FBXO34: variants seen among roughly 807,000 people sequenced by gnomAD.
The protein encoded by FBXO34 is F-box protein 34, also known as F-box only protein 34.
Under a neutral mutation model 24.5 loss-of-function variants are expected in FBXO34, and 12 were observed. The ratio of observed to expected loss-of-function variants is 0.49; its 90% CI spans 0.31 to 0.79. FBXO34 has a LOEUF of 0.79. FBXO34 is among the 30% of genes least tolerant of loss of function. The pLI, the probability that FBXO34 is intolerant of heterozygous loss-of-function variation, is 0.04. For synonymous variants in FBXO34, 320 were observed against 311.9 expected (o/e 1.03, Z -0.27); for missense variants, 823 against 857.7 (o/e 0.96, Z 0.51).
rs1160045452 is a variant in FBXO34, at chr14:55,351,079, C to T, written c.689C>T (p.Thr230Ile). 8.7e-6 allele frequency: 14 copies of T among 1,614,220 alleles called. No homozygotes were observed. The highest frequency in any genetic ancestry group is 1.2e-5 in the Non-Finnish European group (14 of 1,180,036). The change falls in exon 2 of 2, where the codon ACA (threonine) becomes ATA (isoleucine). Residue 230 changes from threonine (T) to isoleucine (I), a missense_variant. By Grantham distance (89) the Thr-to-Ile change is moderately conservative. Around this residue, in one of 2 missense-constraint regions of FBXO34, gnomAD observed 693 missense variants for 659.1 expected, o/e 1.05. Transcript: ENST00000313833. ...ALLASCSKNC[T>I]NSPAIVRFSG... ...CTAGCTAGCTGTTCAAAAAACTGCACAAACTCACCTGCAATTGTGAGGTTT... is the reference window on the plus strand; with the variant it reads ...CTAGCTAGCTGTTCAAAAAACTGCATAAACTCACCTGCAATTGTGAGGTTT...
chr14:55,346,526 AG>A (rs1415148995), intron 1 of FBXO34, among the ~76,000 whole-genome samples: 1 of 152,140 alleles, frequency 6.6e-6, no homozygotes, highest in African/African-American at 2.4e-5. Flanking sequence ...TGGGATATGA[AG>A]TTGGGGAGAG....
Position 55,352,183 on chromosome 14 carries a change from T to G in FBXO34, c.1793T>G (p.Leu598Arg). 6.2e-7 allele frequency: 1 copy of G among 1,614,146 alleles called. No homozygotes were observed. The highest frequency in any genetic ancestry group is 8.5e-7 in the Non-Finnish European group (1 of 1,180,006). ...CTTCCCACCAAGAGTTTAGTGGCCC[T>G]TAAATGTACCTGCTGCTATTTCAAG... ...RLLPTKSLVA[L>R]KCTCCYFKFI... Residue 598 changes from leucine to arginine, a missense_variant, in exon 2 of 2, where the codon CTT (leucine) becomes CGT (arginine). Transcript: ENST00000313833.
intron 1 of FBXO34, among the ~76,000 whole-genome samples, chr14:55,344,113 G>T (rs549666186): frequency 4.5e-4 from 69 of 152,298 alleles, no homozygotes; most frequent in Non-Finnish European, 7.9e-4. Flanking sequence ...TGACAGGTAT[G>T]TTGAGACTGT....
chr14:55,420,003 C>A, the FBXO34 span, among the ~76,000 whole-genome samples: 1 of 152,206 alleles, frequency 6.6e-6, no homozygotes. Flanking sequence ...AGGGAGGAGC[C>A]TGAAAGGAGA....
At chr14:55,429,766 CAAAAA>C in the FBXO34 span, among the ~76,000 whole-genome samples, 1 of 52,396 alleles carries the variant, frequency 1.9e-5, no homozygotes, top group Non-Finnish European at 3.2e-5. Flanking sequence ...AACTCCGTCT[CAAAAA>C]AAAAAAAAAA....
At chr14:55,282,252 C>A in intron 1 of FBXO34, 1 of 330,130 alleles carries the variant, frequency 3.0e-6, no homozygotes, top group East Asian at 8.5e-5. Context: ...CTCAGCCTCC[C>A]AAAGTGCTGG....
the FBXO34 span, among the ~76,000 whole-genome samples, chr14:55,387,754 C>G: frequency 0.058 from 8,838 of 152,012 alleles, 325 homozygotes; most frequent in South Asian, 0.089. Context: ...CTGCAACCTC[C>G]GCCTCCCGGG....
the FBXO34 span, among the ~76,000 whole-genome samples, chr14:55,411,216 T>C: frequency 1.3e-5 from 2 of 152,186 alleles, no homozygotes; most frequent in African/African-American, 4.8e-5. Context: ...AGAGAATGAG[T>C]ATAAATATGC....
the FBXO34 span, chr14:55,386,129 T>C: frequency 6.4e-7 from 1 of 1,565,354 alleles, no homozygotes; most frequent in East Asian, 2.2e-5. Context: ...AACAATTATC[T>C]CTGCAAACAG....
intron 1 of FBXO34, among the ~76,000 whole-genome samples, chr14:55,297,429 A>G (rs1882176853): frequency 6.6e-6 from 1 of 152,192 alleles, no homozygotes; most frequent in Admixed American, 6.5e-5. Context: ...TCTCATCTGT[A>G]ATATTTAGAC....
chr14:55,325,841 A>C (rs1371545723), intron 1 of FBXO34: 1 of 152,230 alleles, frequency 6.6e-6, no homozygotes, highest in African/African-American at 2.4e-5. Flanking sequence ...GTGTTGTTTA[A>C]ATGTACTCTA....
the FBXO34 span, among the ~76,000 whole-genome samples, chr14:55,418,846 A>C: frequency 6.6e-6 from 1 of 152,214 alleles, no homozygotes; most frequent in Non-Finnish European, 1.5e-5. Flanking sequence ...TGTTTTCACT[A>C]AGATAATAAT....
At chr14:55,313,427 C>A (rs768380277) in intron 1 of FBXO34, among the ~76,000 whole-genome samples, 4 of 152,140 alleles carry the variant, frequency 2.6e-5, no homozygotes, top group Non-Finnish European at 5.9e-5. Flanking sequence ...CAAATTGTTG[C>A]AACCTTTGCC....
the FBXO34 span, chr14:55,440,552 G>A: frequency 6.3e-7 from 1 of 1,586,552 alleles, no homozygotes; most frequent in Non-Finnish European, 8.6e-7. Flanking sequence ...CCATTTATGA[G>A]CCTGGGGGCA....
chr14:55,305,419 A>C (rs1882506796), intron 1 of FBXO34, among the ~76,000 whole-genome samples: 1 of 151,798 alleles, frequency 6.6e-6, no homozygotes, highest in African/African-American at 2.4e-5. Context: ...ATCTCAAAAA[A>C]AAAAAAAAAA....
downstream of FBXO34, among the ~76,000 whole-genome samples, chr14:55,374,328 TCTGA>T (rs1327534928): frequency 1.3e-5 from 2 of 152,220 alleles, no homozygotes; most frequent in Non-Finnish European, 2.9e-5. Flanking sequence ...GCTCAAGTGA[TCTGA>T]CTACTTACAT....
chr14:55,357,718 CAGG>C (rs1233142119), downstream of FBXO34, among the ~76,000 whole-genome samples: 1 of 152,134 alleles, frequency 6.6e-6, no homozygotes. Flanking sequence ...GAGGCTGATG[CAGG>C]AGGACAGCTT....
chr14:55,421,044 G>C, the FBXO34 span, among the ~76,000 whole-genome samples: 1 of 135,122 alleles, frequency 7.4e-6, no homozygotes. Context: ...CTGGGCAAAA[G>C]AGTGAGAATC....
At chr14:55,355,104 AAC>A (rs1884500960), downstream of FBXO34, 1 of 152,350 alleles carries the variant, frequency 6.6e-6, no homozygotes, top group African/African-American at 2.4e-5. Flanking sequence ...GAACCAGGGA[AAC>A]TAGAGGAGGA....
Sources: gnomAD v4.1 joint callset for allele counts (sites outside exome capture counted in the v4.1 genomes callset) on GRCh38, gnomAD v4.1.1 for gene constraint, gnomAD v4.1.1 regional missense constraint, MANE v1.5 for transcripts, NCBI Gene and HGNC (gene_info 2026-07-23, HGNC 2026-07-21) for gene names.